The following TRIM7 variants were observed in gnomAD, a reference collection of about 807,000 sequenced individuals.
The protein encoded by TRIM7 is tripartite motif containing 7, also known as E3 ubiquitin-protein ligase TRIM7.
A neutral mutation model predicts 37.9 loss-of-function variants in TRIM7; 32 were observed. The observed-to-expected ratio is 0.84, with a 90% CI of 0.64 to 1.13. The LOEUF is 1.13. Among genes scored for constraint, TRIM7 ranks in the 50% most tolerant of loss-of-function variants. The probability of loss-of-function intolerance (pLI) is 0.00; values close to 1 mark genes in which losing one functional copy is unlikely to be tolerated. For missense variants in TRIM7, 732 were observed against 714.0 expected, an observed-to-expected ratio of 1.03 and a Z score of -0.29; for synonymous variants, 351 against 321.3, an observed-to-expected ratio of 1.09 and a Z score of -0.99.
At position 181,200,085 on chromosome 5, in the gene TRIM7, T is replaced by C. The variant is rs749832431; in HGVS notation, c.619-4A>G. On this transcript the variant is annotated splice_polypyrimidine_tract_variant and splice_region_variant and intron_variant, in intron 2 of 6. Transcript: ENST00000274773. ...CCTGCTCCGCTGCCATCTGTTTCTG[T>C]CCCAGGAGGAGAAGTTGGAGAGGGA... is the stretch of plus-strand genomic sequence containing the variant. The C allele has an allele frequency of 1.2e-6, 2 of 1,614,226 alleles. No homozygotes were observed. The highest frequency in any genetic ancestry group is 1.7e-6 in the Non-Finnish European group (2 of 1,180,050).
intron 2 of TRIM7, 142 bp from the exon 3 acceptor site, chr5:181,200,223 C>G: frequency 1.3e-6 from 2 of 1,544,644 alleles, no homozygotes; most frequent in Non-Finnish European, 1.7e-6. Flanking sequence ...GCACGCAGTG[C>G]GTGCTCTATT....
rs774031682 is a variant in TRIM7, at chr5:181,195,499, C to T, written c.1203G>A (p.Val401=). 2.5e-6 allele frequency: 4 copies of T among 1,612,752 alleles called. No homozygotes were observed. The highest frequency in any genetic ancestry group is 2.2e-5 in the South Asian group (2 of 91,064). Residue 401 remains valine, a synonymous_variant, in exon 7 of 7, where the codon GTG becomes GTA. Coordinates refer to ENST00000274773, the MANE Select transcript of TRIM7 (RefSeq NM_203293.3). ...CCCAGCCGTCCTTAGAGCCCACCTC[C>T]ACCTCCCAGTGATGCCGGCCCGAGG... The part of the protein sequence containing the change: ...GFSSGRHHWE[V]EVGSKDGWAF...
Position 181,198,686 on chromosome 5 carries a change from C to T in TRIM7, c.988+4G>A. The T allele has an allele frequency of 1.9e-6, 3 of 1,609,702 alleles. No homozygotes were observed. Among genetic ancestry groups the T allele is most frequent in the Non-Finnish European group, 2.6e-6 (3 of 1,176,068 alleles). On this transcript the variant is annotated splice_donor_region_variant and intron_variant, in intron 5 of 6. Coordinates refer to ENST00000274773, the MANE Select transcript of TRIM7 (RefSeq NM_203293.3). Reference sequence around the variant, plus strand: ...GTGGCCCAGCTTGGCGCCCAGGCCCCTACCTTTGAACTTCTTCAGCATCCC... The same window carrying T: ...GTGGCCCAGCTTGGCGCCCAGGCCCTTACCTTTGAACTTCTTCAGCATCCC...
In TRIM7 at chr5:181,195,561, C is replaced by A. The variant is rs757067425; in HGVS notation, c.1141G>T (p.Asp381Tyr). 6.2e-7 allele frequency: 1 copy of A among 1,610,472 alleles called. No individual in the cohort carries two copies. The highest frequency in any genetic ancestry group is 8.5e-7 in the Non-Finnish European group (1 of 1,177,696). The change falls in exon 7 of 7, where the codon GAC (aspartate) becomes TAC (tyrosine). Residue 381 changes from aspartate (D) to tyrosine (Y), a missense_variant. By Grantham distance (160) the Asp-to-Tyr change is radical. Transcript: ENST00000274773. Reference protein sequence around the residue: ...QDLPNHPCRFDTNTRVLASCG... With the variant: ...QDLPNHPCRFYTNTRVLASCG... ...GACGCCAGGACGCGGGTGTTGGTGT[C>A]GAAGCGGCAGGGGTGGTTGGGCAGG... is the stretch of plus-strand genomic sequence containing the variant.
chr5:181,204,249 C>T, intron 1 of TRIM7: 1 of 1,068,594 alleles, frequency 9.4e-7, no homozygotes, highest in Admixed American at 5.3e-5. Flanking sequence ...CCGGAGACTT[C>T]CCGCGGGCAG....
chr5:181,195,283 G>A lies in TRIM7; in HGVS notation c.1419C>T (p.Ser473=). The change falls in exon 7 of 7, where the codon TCC becomes TCT. Residue 473 remains serine (S), a synonymous_variant. Coordinates refer to ENST00000274773, the MANE Select transcript of TRIM7 (RefSeq NM_203293.3). The part of the protein sequence containing the change: ...VALDLEVGAV[S]FYAVEDMRHL... ...GGCGCATGTCCTCCACAGCGTAGAAGGACACGGCTCCCACCTCCAGGTCCA... is the reference window on the plus strand; with the variant it reads ...GGCGCATGTCCTCCACAGCGTAGAAAGACACGGCTCCCACCTCCAGGTCCA... The A allele has an allele frequency of 6.2e-7, 1 of 1,607,210 alleles. No homozygotes were observed. Among genetic ancestry groups the A allele is most frequent in the Non-Finnish European group, 8.5e-7 (1 of 1,177,182 alleles).
chr5:181,195,228 C>T lies in TRIM7; in HGVS notation c.1474G>A (p.Glu492Lys). The T allele has an allele frequency of 6.2e-7, 1 of 1,613,232 alleles. No homozygotes were observed. Among genetic ancestry groups the T allele is most frequent in the Non-Finnish European group, 8.5e-7 (1 of 1,179,604 alleles). The change falls in exon 7 of 7, where the codon GAG becomes AAG. Residue 492 changes from glutamate (E) to lysine (K), a missense_variant. By Grantham distance (56) the Glu-to-Lys change is moderately conservative (BLOSUM62 1). Transcript: ENST00000274773. ...HLYTFRVNFQ[E>K]RVFPLFSVCS... ...ACAGAGAAAAGCGGGAACACGCGCT[C>T]CTGGAAGTTGACGCGGAAGGTGTAG...
At chr5:181,196,013 T>A in intron 6 of TRIM7, 1 of 288,038 alleles carries the variant, frequency 3.5e-6, no homozygotes, top group Non-Finnish European at 6.4e-6. Flanking sequence ...GTGGTTATGT[T>A]TTACAAAGTC....
chr5:181,203,515 C>T (rs751146417), intron 2 of TRIM7, 30 bp downstream of exon 2: 4 of 1,613,418 alleles, frequency 2.5e-6, no homozygotes, highest in Non-Finnish European at 1.7e-6. Flanking sequence ...CTGTAATGTC[C>T]CACGGGGGGC....
Position 181,195,446 on chromosome 5 carries a change from C to T in TRIM7, c.1256G>A (p.Arg419His). The T allele has an allele frequency of 6.2e-7, 1 of 1,609,022 alleles. No homozygotes were observed. Among genetic ancestry groups the T allele is most frequent in the Non-Finnish European group, 8.5e-7 (1 of 1,178,194 alleles). ...WAFGVARESV[R>H]RKGLTPFTPE... Reference sequence around the variant, plus strand: ...AGTGAAGGGCGTCAGGCCCTTTCGGCGCACGCTCTCGCGGGCCACGCCAAA... The same window carrying T: ...AGTGAAGGGCGTCAGGCCCTTTCGGTGCACGCTCTCGCGGGCCACGCCAAA... The change falls in exon 7 of 7, where the codon CGC becomes CAC. Residue 419 changes from arginine to histidine, a missense_variant. Arg to His is a conservative substitution (Grantham distance 29). Coordinates refer to ENST00000274773, the MANE Select transcript of TRIM7 (RefSeq NM_203293.3).
Position 181,194,671 on chromosome 5 carries a change from C to A in TRIM7, c.*495G>T, listed in dbSNP as rs1284906335. 1 of 153,492 alleles carries A rather than the reference C, an allele frequency of 6.5e-6. No homozygotes were observed. The highest frequency in any genetic ancestry group is 1.5e-5 in the Non-Finnish European group (1 of 68,958). The allele number at this position is 153,492 out of a possible 1,614,324, so 9.5% of individuals were successfully genotyped here. Reference sequence around the variant, plus strand: ...TGAGCTGGGAGCACAGGGCTCCTCCCTGAGTAGATGACCTGTCAGGTCAGC... The same window carrying A: ...TGAGCTGGGAGCACAGGGCTCCTCCATGAGTAGATGACCTGTCAGGTCAGC... On this transcript the variant is annotated 3_prime_UTR_variant, in exon 7 of 7. Transcript: ENST00000274773.
chr5:181,195,695 G>A lies in TRIM7; in HGVS notation c.1025-18C>T, dbSNP rs775804335. ...GAGCTCCACTGCAGACAGAGACAGG[G>A]AGAAATGTCCCCACGCAGCCAGGCC... is the stretch of plus-strand genomic sequence containing the variant. On this transcript the variant is annotated intron_variant, in intron 6 of 6. Coordinates refer to ENST00000274773, the MANE Select transcript of TRIM7 (RefSeq NM_203293.3). 4.6e-6 allele frequency: 7 copies of A among 1,509,512 alleles called. No individual in the cohort carries two copies. In the South Asian group the frequency reaches 8.0e-5, roughly 17 times the overall value. The allele number at this position is 1,509,512 out of a possible 1,614,324, so 93.5% of individuals were successfully genotyped here.
chr5:181,199,432 C>T lies in TRIM7; in HGVS notation c.850-315G>A. The T allele has an allele frequency of 1.7e-5, 9 of 514,396 alleles. 1 individual carries two copies. The South Asian group carries it at 1.9e-4, about 11-fold the overall frequency. The allele number at this position is 514,396 out of a possible 1,614,324, so 31.9% of individuals were successfully genotyped here. On this transcript the variant is annotated intron_variant, in intron 3 of 6. Coordinates refer to ENST00000274773, the MANE Select transcript of TRIM7 (RefSeq NM_203293.3). ...CCAGTGCTGCGTGTGTCCTGGAAAC[C>T]ACCTGAGGGAGGTCACAGCCCTTAT... is the stretch of plus-strand genomic sequence containing the variant.
At chr5:181,204,387 G>GGTA in intron 1 of TRIM7, 1 of 1,194,830 alleles carries the variant, frequency 8.4e-7, no homozygotes. Flanking sequence ...GGGGTGGGGT[G>GGTA]GGGGTATTGG....
rs1023685677 is a variant in TRIM7 at position 181,200,667 on chromosome 5, A to G, written c.619-586T>C. On this transcript the variant is annotated intron_variant, in intron 2 of 6. Coordinates refer to ENST00000274773, the MANE Select transcript of TRIM7 (RefSeq NM_203293.3). The stretch of plus-strand genomic sequence containing the variant: ...CACCCCCAAGGAACGAAGTGAGAAT[A>G]TGCGGCATGCAAGTGTCATATTCTG... 6 of 998,114 alleles carry G rather than the reference A, an allele frequency of 6.0e-6. No homozygotes were observed. In the African/African-American group the frequency reaches 1.0e-4, roughly 17 times the overall value. The allele number at this position is 998,114 out of a possible 1,614,324, so 61.8% of individuals were successfully genotyped here.
chr5:181,201,753 A>G (rs2113082390), intron 2 of TRIM7, among the ~76,000 whole-genome samples: 1 of 152,282 alleles, frequency 6.6e-6, no homozygotes, highest in Middle Eastern at 3.4e-3. Flanking sequence ...AACAACAACA[A>G]AAACGAATGT....
chr5:181,203,493 G>T (rs769763860), intron 2 of TRIM7, 52 bp downstream of exon 2: 1 of 1,609,308 alleles, frequency 6.2e-7, no homozygotes, highest in Non-Finnish European at 8.5e-7. Flanking sequence ...CTGGTGCTGA[G>T]TTCTCAGGCC....
intron 1 of TRIM7, 180 bp downstream of exon 1, chr5:181,204,409 G>A: frequency 8.5e-7 from 1 of 1,174,204 alleles, no homozygotes. Flanking sequence ...GATGTTGGGG[G>A]TGACAGAGAA....
chr5:181,202,266 A>C (rs1582236051), intron 2 of TRIM7: 4 of 139,574 alleles, frequency 2.9e-5, no homozygotes, highest in African/African-American at 1.1e-4. Flanking sequence ...CGCAACCTCT[A>C]CCTCCCGGGT....
Sources: allele counts gnomAD v4.1 joint callset (sites outside exome capture counted in the v4.1 genomes callset), GRCh38; gene constraint gnomAD v4.1.1; transcripts MANE v1.5; gene names NCBI Gene and HGNC (gene_info 2026-07-23, HGNC 2026-07-21).